The following POU6F2 variants were observed in gnomAD, a reference collection of about 807,000 sequenced individuals.
POU6F2 encodes the protein POU class 6 homeobox 2.
POU6F2 carries 31 observed loss-of-function variants against 71.3 expected under a neutral mutation model. That is an observed-to-expected ratio of 0.43 (90% CI 0.33 to 0.59). The LOEUF (loss-of-function observed/expected upper bound fraction) is 0.59, where lower values mean the gene tolerates loss of function less well. POU6F2 is among the 20% of genes least tolerant of loss of function. POU6F2 has a pLI of 0.04. For missense variants in POU6F2, 783 were observed against 856.8 expected, an observed-to-expected ratio of 0.91 and a Z score of 1.07; for synonymous variants, 347 against 355.7, an observed-to-expected ratio of 0.98 and a Z score of 0.27.
chr7:39,252,576 A>G (rs973791020), intron 4 of POU6F2, among the ~76,000 whole-genome samples: 2 of 152,168 alleles, frequency 1.3e-5, no homozygotes, highest in Non-Finnish European at 2.9e-5. Flanking sequence ...TTTCTCTCCT[A>G]TGGAGAGGGT....
At chr7:39,074,374 G>C (rs1790951004) in intron 1 of POU6F2, among the ~76,000 whole-genome samples, 1 of 151,944 alleles carries the variant, frequency 6.6e-6, no homozygotes, top group African/African-American at 2.4e-5. Flanking sequence ...CAGCTACTTG[G>C]GAGGCTGAGG....
intron 1 of POU6F2, among the ~76,000 whole-genome samples, chr7:39,024,650 G>A (rs890849688): frequency 6.6e-6 from 1 of 152,072 alleles, no homozygotes; most frequent in African/African-American, 2.4e-5. Context: ...GTTTGTCATA[G>A]ACAGCTCTTA....
intron 4 of POU6F2, among the ~76,000 whole-genome samples, chr7:39,242,383 T>C (rs1783743825): frequency 1.9e-5 from 1 of 53,626 alleles, no homozygotes; most frequent in East Asian, 1.9e-3. Flanking sequence ...TTGTTTTGCT[T>C]TTTTTTTTTT....
chr7:39,313,593 A>G (rs1785207249), intron 4 of POU6F2, among the ~76,000 whole-genome samples: 1 of 152,084 alleles, frequency 6.6e-6, no homozygotes. Flanking sequence ...GTCTAAGTCC[A>G]TTCCTTCCCC....
At chr7:38,983,332 T>C (rs1423375411) in intron 1 of POU6F2, among the ~76,000 whole-genome samples, 1 of 152,016 alleles carries the variant, frequency 6.6e-6, no homozygotes, top group Non-Finnish European at 1.5e-5. Context: ...ATGTTCTTTT[T>C]CCCTTCCCTC....
At chr7:39,297,640 G>C (rs1421286792) in intron 4 of POU6F2, among the ~76,000 whole-genome samples, 1 of 152,116 alleles carries the variant, frequency 6.6e-6, no homozygotes, top group Non-Finnish European at 1.5e-5. Context: ...CTACAATACA[G>C]CTGCTAGGCT....
chr7:39,245,586 G>A (rs914266860), intron 4 of POU6F2, among the ~76,000 whole-genome samples: 7 of 152,156 alleles, frequency 4.6e-5, no homozygotes, highest in Non-Finnish European at 1.0e-4. Context: ...ACATCATTCA[G>A]TTTGTTGGAA....
intron 4 of POU6F2, among the ~76,000 whole-genome samples, chr7:39,271,326 G>C (rs908145543): frequency 1.3e-5 from 2 of 152,070 alleles, no homozygotes; most frequent in Admixed American, 6.5e-5. Context: ...TAGCAACAGG[G>C]ACCAGATAAC....
At chr7:39,303,337 C>T (rs557118500) in intron 4 of POU6F2, among the ~76,000 whole-genome samples, 3 of 152,072 alleles carry the variant, frequency 2.0e-5, no homozygotes, top group Non-Finnish European at 4.4e-5. Context: ...TTAGTAGAGA[C>T]GGGGTTTCAC....
intron 4 of POU6F2, among the ~76,000 whole-genome samples, chr7:39,225,245 C>T (rs1014898440): frequency 5.3e-5 from 8 of 152,068 alleles, no homozygotes; most frequent in African/African-American, 1.9e-4. Flanking sequence ...GCCATCTTGG[C>T]TCACTTCAAC....
chr7:39,030,551 C>CAA (rs1789919445), intron 1 of POU6F2, among the ~76,000 whole-genome samples: 1 of 92,294 alleles, frequency 1.1e-5, no homozygotes, highest in African/African-American at 3.5e-5. Context: ...TATACACACA[C>CAA]ATACATATAT....
intron 4 of POU6F2, among the ~76,000 whole-genome samples, chr7:39,263,395 GT>G (rs1784175998): frequency 6.6e-6 from 1 of 152,052 alleles, no homozygotes; most frequent in African/African-American, 2.4e-5. Context: ...AGCAGTCAAG[GT>G]TTTTTTCTTT....
chr7:39,247,353 A>G lies in POU6F2; in HGVS notation c.598+39733A>G, dbSNP rs1013107353. ...GTGATCCTAGCTACTCGGGAGGCTG[A>G]GACATGAGAATCGCCTAAGCCCAGT... On this transcript the variant is annotated intron_variant, in intron 4 of 9. Transcript: ENST00000518318. Among the ~76,000 whole-genome samples, 5 of 152,068 alleles carry G rather than the reference A, an allele frequency of 3.3e-5. 1 individual carries two copies. Among genetic ancestry groups the G allele is most frequent in the Admixed American group, 2.6e-4 (4 of 15,266 alleles).
chr7:39,345,400 C>T (rs1041720279), intron 5 of POU6F2, among the ~76,000 whole-genome samples: 2 of 152,186 alleles, frequency 1.3e-5, no homozygotes, highest in Non-Finnish European at 1.5e-5. Context: ...TTTGATCTCA[C>T]TTTCTAGTTG....
chr7:39,150,652 C>G (rs6968730), intron 2 of POU6F2, among the ~76,000 whole-genome samples: 151,620 of 151,622 alleles, frequency 1, 75,809 homozygotes, highest in Middle Eastern at 1. Flanking sequence ...ATTTTTAGTA[C>G]AGATGGGGTT....
intron 2 of POU6F2, among the ~76,000 whole-genome samples, chr7:39,092,050 G>A (rs1791371664): frequency 6.6e-6 from 1 of 152,226 alleles, no homozygotes; most frequent in Non-Finnish European, 1.5e-5. Context: ...TGGGAATGCA[G>A]AGGCAATCGG....
chr7:39,280,652 G>A (rs890517494), intron 4 of POU6F2, among the ~76,000 whole-genome samples: 1 of 152,152 alleles, frequency 6.6e-6, no homozygotes, highest in Admixed American at 6.5e-5. Context: ...GGGATAGGTG[G>A]GTTCTTTTAC....
chr7:39,187,866 T>C (rs1422096378), intron 2 of POU6F2, among the ~76,000 whole-genome samples: 6 of 152,220 alleles, frequency 3.9e-5, no homozygotes, highest in Non-Finnish European at 7.3e-5. Context: ...CTGGTCTTCC[T>C]ACATTTTTTT....
At chr7:39,148,832 G>A (rs552023005) in intron 2 of POU6F2, among the ~76,000 whole-genome samples, 2 of 152,196 alleles carry the variant, frequency 1.3e-5, no homozygotes, top group Admixed American at 6.5e-5. Flanking sequence ...CAAAATGGTT[G>A]TGGGAAACAT....
Sources: allele counts gnomAD v4.1 joint callset (sites outside exome capture counted in the v4.1 genomes callset), GRCh38; gene constraint gnomAD v4.1.1; transcripts MANE v1.5; gene names NCBI Gene and HGNC (gene_info 2026-07-23, HGNC 2026-07-21).